The following FER variants were observed in gnomAD, a reference collection of about 807,000 sequenced individuals.
FER encodes the protein tyrosine-protein kinase Fer.
FER carries 63 observed loss-of-function variants against 111.0 expected under a neutral mutation model. That is an observed-to-expected ratio of 0.57 (90% CI 0.46 to 0.70). The LOEUF is 0.70. FER is among the 30% of genes least tolerant of loss of function. The pLI is 0.00. For missense variants in FER, 914 were observed against 954.0 expected (o/e 0.96, Z 0.55); for synonymous variants, 327 against 313.9 (o/e 1.04, Z -0.44).
intron 2 of FER, among the ~76,000 whole-genome samples, chr5:108,776,221 C>A (rs1362132116): frequency 6.6e-6 from 1 of 151,936 alleles, no homozygotes; most frequent in East Asian, 1.9e-4. Context: ...TGAAGGATTT[C>A]TTATTTCTGT....
chr5:109,085,861 AT>A (rs1354395244), intron 16 of FER, among the ~76,000 whole-genome samples: 1 of 151,628 alleles, frequency 6.6e-6, no homozygotes, highest in Non-Finnish European at 1.5e-5. Context: ...CTGTAGATTG[AT>A]TTTTAATGTT....
intron 13 of FER, among the ~76,000 whole-genome samples, chr5:109,021,858 C>T (rs974862378): frequency 2.1e-4 from 32 of 151,854 alleles, no homozygotes; most frequent in African/African-American, 7.7e-4. Flanking sequence ...AAGTAAAATC[C>T]AAAAAATACC....
chr5:108,989,339 TG>T (rs1762913866), intron 13 of FER, among the ~76,000 whole-genome samples: 1 of 152,090 alleles, frequency 6.6e-6, no homozygotes, highest in Non-Finnish European at 1.5e-5. Flanking sequence ...CAACAACCTT[TG>T]CCAAACTGCA....
At chr5:109,050,384 T>C (rs542938146) in intron 16 of FER, among the ~76,000 whole-genome samples, 24 of 152,310 alleles carry the variant, frequency 1.6e-4, no homozygotes, top group African/African-American at 5.8e-4. Context: ...ATTTGAACAC[T>C]GTATGTGCAT....
intron 3 of FER, among the ~76,000 whole-genome samples, chr5:108,826,691 A>G (rs942602293): frequency 6.6e-6 from 1 of 152,224 alleles, no homozygotes; most frequent in Non-Finnish European, 1.5e-5. Flanking sequence ...TCTTCTATAA[A>G]TGTTTTGTAG....
intron 15 of FER, 180 bp downstream of exon 15, chr5:109,044,975 C>G (rs1771739234): frequency 4.4e-6 from 2 of 453,102 alleles, no homozygotes; most frequent in East Asian, 3.6e-5. Flanking sequence ...CAATCATAGT[C>G]AAACCAGGTG....
intron 10 of FER, among the ~76,000 whole-genome samples, chr5:108,937,333 T>A (rs1377093084): frequency 6.6e-6 from 1 of 151,918 alleles, no homozygotes; most frequent in Non-Finnish European, 1.5e-5. Flanking sequence ...CTTTGGGAAT[T>A]ATGAGTTCAG....
chr5:108,999,671 G>T, intron 13 of FER, among the ~76,000 whole-genome samples: 1 of 150,698 alleles, frequency 6.6e-6, no homozygotes, highest in Non-Finnish European at 1.5e-5. Flanking sequence ...TATGGCAAAA[G>T]AGTTTTCATT....
At chr5:109,038,903 TAGG>T (rs534878193) in intron 14 of FER, among the ~76,000 whole-genome samples, 2 of 152,072 alleles carry the variant, frequency 1.3e-5, no homozygotes, top group Admixed American at 6.5e-5. Flanking sequence ...TATAAAGTAT[TAGG>T]AGGAATTTAT....
chr5:109,190,334 A>G lies in FER; in HGVS notation c.*2759A>G, dbSNP rs1759290820. 6.6e-6 allele frequency: 1 copy of G among 151,918 alleles called. No homozygotes were observed. The allele number at this position is 151,918 out of a possible 1,614,324, so 9.4% of individuals were successfully genotyped here. On this transcript the variant is annotated 3_prime_UTR_variant, in exon 20 of 20. Transcript: ENST00000281092. Reference sequence around the variant, plus strand: ...CCGGATGTAATTAGTCCAGTCACAAATCTTTGTGTTGTTAATGGATTATTC... The same window carrying G: ...CCGGATGTAATTAGTCCAGTCACAAGTCTTTGTGTTGTTAATGGATTATTC...
intron 17 of FER, among the ~76,000 whole-genome samples, chr5:109,119,862 C>G (rs1419188638): frequency 2.0e-5 from 3 of 152,042 alleles, no homozygotes; most frequent in African/African-American, 4.8e-5. Context: ...TTGCATTTCT[C>G]TGATGGTCAG....
chr5:108,840,424 TTTGAACCAGGATCTGATCA>T (rs1292042611), intron 5 of FER, among the ~76,000 whole-genome samples: 1 of 152,214 alleles, frequency 6.6e-6, no homozygotes, highest in Non-Finnish European at 1.5e-5. Flanking sequence ...TTGTTGTTGC[TTTGAACCAGGATCTGATCA>T]AAGTAAACAT....
intron 1 of FER, among the ~76,000 whole-genome samples, chr5:108,755,288 G>A (rs1445809197): frequency 6.6e-6 from 1 of 152,172 alleles, no homozygotes; most frequent in African/African-American, 2.4e-5. Flanking sequence ...CTTGGTCGCT[G>A]TAATGCTTTT....
chr5:109,055,117 A>G (rs1475864379), intron 16 of FER, among the ~76,000 whole-genome samples: 1 of 152,216 alleles, frequency 6.6e-6, no homozygotes, highest in Admixed American at 6.5e-5. Flanking sequence ...TTCACATACA[A>G]AAGAATGAAA....
At chr5:108,993,666 A>T (rs1763623692) in intron 13 of FER, among the ~76,000 whole-genome samples, 1 of 146,770 alleles carries the variant, frequency 6.8e-6, no homozygotes, top group Admixed American at 6.7e-5. Context: ...GGCGAGGGTG[A>T]GGGAGAGGGA....
At chr5:109,148,937 C>T (rs1754525639) in intron 17 of FER, among the ~76,000 whole-genome samples, 1 of 152,070 alleles carries the variant, frequency 6.6e-6, no homozygotes, top group African/African-American at 2.4e-5. Context: ...TGCATTTTAA[C>T]CTAAGTTATA....
At chr5:109,031,937 C>G (rs1011068309) in intron 13 of FER, among the ~76,000 whole-genome samples, 4 of 152,152 alleles carry the variant, frequency 2.6e-5, no homozygotes. Flanking sequence ...TGGAGATGAA[C>G]TTTCCTAGAG....
chr5:108,765,358 T>C (rs1017425539), intron 1 of FER, among the ~76,000 whole-genome samples: 1 of 152,204 alleles, frequency 6.6e-6, no homozygotes, highest in Non-Finnish European at 1.5e-5. Context: ...ATAAAAATTA[T>C]AGAAAAGACT....
intron 16 of FER, among the ~76,000 whole-genome samples, chr5:109,079,648 G>A (rs1025742940): frequency 6.6e-6 from 1 of 150,438 alleles, no homozygotes; most frequent in Admixed American, 6.6e-5. Context: ...CAGTGTAGAT[G>A]CCAGAACCCC....
Sources: gnomAD v4.1 joint callset for allele counts (sites outside exome capture counted in the v4.1 genomes callset) on GRCh38, gnomAD v4.1.1 for gene constraint, MANE v1.5 for transcripts, NCBI Gene and HGNC (gene_info 2026-07-23, HGNC 2026-07-21) for gene names.